Variants in ATCAY observed in about 807,000 individuals in gnomAD.
The protein encoded by ATCAY is caytaxin.
ATCAY carries 22 observed loss-of-function variants against 47.7 expected under a neutral mutation model. That is an observed-to-expected ratio of 0.46 (90% confidence interval 0.33 to 0.66). The LOEUF (loss-of-function observed/expected upper bound fraction) is 0.66, where lower values mean the gene tolerates loss of function less well. Ranked by LOEUF, ATCAY falls within the 30% of genes least tolerant of loss-of-function variation. ATCAY has a pLI of 0.02. For missense variants in ATCAY, 452 were observed against 515.0 expected (o/e 0.88, Z 1.18); for synonymous variants, 216 against 207.6 (o/e 1.04, Z -0.35).
chr19:3,908,655 TTCCC>T (rs2038889163), intron 6 of ATCAY, among the ~76,000 whole-genome samples: 1 of 60,650 alleles, frequency 1.6e-5, no homozygotes, highest in African/African-American at 8.0e-5. Context: ...TTCCTCCCCC[TTCCC>T]CTTTCTTCTC....
At chr19:3,886,255 C>T (rs2038653535) in intron 2 of ATCAY, among the ~76,000 whole-genome samples, 1 of 151,946 alleles carries the variant, frequency 6.6e-6, no homozygotes, top group Non-Finnish European at 1.5e-5. Context: ...TCGAGACCAG[C>T]CTGGCCAACA....
chr19:3,889,059 C>A (rs540049587), intron 2 of ATCAY, among the ~76,000 whole-genome samples: 53 of 152,192 alleles, frequency 3.5e-4, no homozygotes, highest in Admixed American at 5.9e-4. Flanking sequence ...CGCTTGAGCC[C>A]AGGAGTTTGA....
chr19:3,910,681 G>A, intron 7 of ATCAY, 122 bp from the exon 8 acceptor site: 3 of 942,168 alleles, frequency 3.2e-6, no homozygotes, highest in Non-Finnish European at 3.3e-6. Context: ...GGTACCTGGA[G>A]ACCACACGTG....
chr19:3,882,627 A>G (rs1018768537), intron 1 of ATCAY, among the ~76,000 whole-genome samples: 2 of 150,850 alleles, frequency 1.3e-5, no homozygotes, highest in African/African-American at 4.9e-5. Flanking sequence ...CCACCGCACC[A>G]GCCAGATGCC....
At chr19:3,914,395 G>A (rs964948443) in intron 9 of ATCAY, among the ~76,000 whole-genome samples, 12 of 151,924 alleles carry the variant, frequency 7.9e-5, no homozygotes, top group Non-Finnish European at 1.8e-4. Context: ...GATCTCATGA[G>A]ACTTACTCAC....
At chr19:3,924,236 G>GATGA (rs2039046966) in intron 12 of ATCAY, among the ~76,000 whole-genome samples, 1 of 107,834 alleles carries the variant, frequency 9.3e-6, no homozygotes, top group Admixed American at 8.5e-5. Context: ...TGAGTGTGTG[G>GATGA]ATGGATGGAT....
At chr19:3,908,765 T>TCCTCCCCCTCTTCCCCTTCCCTCTCCC in intron 6 of ATCAY, among the ~76,000 whole-genome samples, 1 of 80,478 alleles carries the variant, frequency 1.2e-5, no homozygotes, top group African/African-American at 5.1e-5. Flanking sequence ...TTCCCTCTCC[T>TCCTCCCCCTCTTCCCCTTCCCTCTCCC]CCTCCCCCCT....
intron 9 of ATCAY, among the ~76,000 whole-genome samples, chr19:3,914,412 G>C (rs923526994): frequency 6.6e-6 from 1 of 151,762 alleles, no homozygotes; most frequent in Non-Finnish European, 1.5e-5. Flanking sequence ...TCACTGTCGC[G>C]AGAATAGCAC....
chr19:3,888,360 T>C (rs534268465), intron 2 of ATCAY, among the ~76,000 whole-genome samples: 2 of 152,220 alleles, frequency 1.3e-5, no homozygotes, highest in East Asian at 3.9e-4. Context: ...CCGCGCACAG[T>C]GGCTCACGTC....
At position 3,913,849 on chromosome 19, in the gene ATCAY, G is replaced by A. The variant is rs1293690242; in HGVS notation, c.958G>A (p.Val320Ile). The A allele has an allele frequency of 5.0e-6, 8 of 1,612,416 alleles. No individual in the cohort carries two copies. Among genetic ancestry groups the A allele is most frequent in the East Asian group, 2.2e-5 (1 of 44,868 alleles). ...GGAACACGTCCAGATCCCAGACTGCGTCCTGCAGTGAGTGGCCCCACAGTC... is the reference window on the plus strand; with the variant it reads ...GGAACACGTCCAGATCCCAGACTGCATCCTGCAGTGAGTGGCCCCACAGTC... The part of the protein sequence containing the change: ...PMEHVQIPDC[V>I]LQYEEERLKA... Residue 320 changes from valine to isoleucine, a missense_variant, in exon 9 of 13, where the codon GTC (valine) becomes ATC (isoleucine). Transcript: ENST00000450849.
intron 2 of ATCAY, among the ~76,000 whole-genome samples, chr19:3,888,260 G>C (rs946164141): frequency 6.6e-6 from 1 of 152,140 alleles, no homozygotes; most frequent in Non-Finnish European, 1.5e-5. Flanking sequence ...CAATGCCCAA[G>C]GGTCAGTTAT....
intron 5 of ATCAY, among the ~76,000 whole-genome samples, 171 bp from the exon 6 acceptor site, chr19:3,908,097 C>T (rs2038881519): frequency 6.6e-6 from 1 of 152,166 alleles, no homozygotes; most frequent in Non-Finnish European, 1.5e-5. Context: ...CCCTGATGGT[C>T]GCTGTCACTC....
At chr19:3,891,154 C>A (rs1490067873) in intron 2 of ATCAY, among the ~76,000 whole-genome samples, 1 of 151,744 alleles carries the variant, frequency 6.6e-6, no homozygotes, top group Admixed American at 6.6e-5. Context: ...TGGTTTCGAG[C>A]AATTCTCTTG....
Position 3,907,916 on chromosome 19 carries a change from G to A in ATCAY, c.541G>A (p.Gly181Arg), listed in dbSNP as rs1369613975. 1.1e-5 allele frequency: 17 copies of A among 1,613,068 alleles called. No homozygotes were observed. Among genetic ancestry groups the A allele is most frequent in the Admixed American group, 3.3e-5 (2 of 59,838 alleles). ...IRPYMKVVTHGGYYGEGLNAI... is the reference protein window; with the variant it reads ...IRPYMKVVTHRGYYGEGLNAI... ...GCCTTACATGAAAGTGGTCACCCACGGAGGTGAGACCCGCCCCCCGGTGCC... is the reference window on the plus strand; with the variant it reads ...GCCTTACATGAAAGTGGTCACCCACAGAGGTGAGACCCGCCCCCCGGTGCC... The change falls in exon 5 of 13, where the codon GGA becomes AGA. Residue 181 changes from glycine to arginine, a missense_variant. Coordinates refer to ENST00000450849, the MANE Select transcript of ATCAY (RefSeq NM_033064.5). This position sits in a 1 kb window ranked among gnomAD's most constrained non-coding sequence, Gnocchi z 5.1.
chr19:3,924,162 G>C (rs1479344914), intron 12 of ATCAY, among the ~76,000 whole-genome samples: 1 of 151,434 alleles, frequency 6.6e-6, no homozygotes, highest in Non-Finnish European at 1.5e-5. Flanking sequence ...ACGGATGAGT[G>C]AGTGGCTGGA....
rs539561943 is a variant in ATCAY at position 3,922,831 on chromosome 19, G to A, written c.1107-1752G>A. ...ATGATCTTGGCTCACTGCAAGCTCC[G>A]CCTCCCAGGGTCACTCCAGTCTCTT... On this transcript the variant is annotated intron_variant, in intron 12 of 12. Coordinates refer to ENST00000450849, the MANE Select transcript of ATCAY (RefSeq NM_033064.5). Among the ~76,000 whole-genome samples the A allele has an allele frequency of 2.5e-4, 38 of 152,150 alleles. 1 individual carries two copies. Among genetic ancestry groups the A allele is most frequent in the East Asian group, 1.5e-3 (8 of 5,184 alleles).
intron 2 of ATCAY, among the ~76,000 whole-genome samples, chr19:3,890,116 G>A (rs2038702414): frequency 6.6e-6 from 1 of 151,194 alleles, no homozygotes; most frequent in Non-Finnish European, 1.5e-5. Context: ...GCTCATCTTT[G>A]TATTTTTAGT....
At chr19:3,914,988 A>AC (rs75713714) in intron 9 of ATCAY, among the ~76,000 whole-genome samples, 79,457 of 151,358 alleles carry the variant, frequency 0.52, 21,734 homozygotes, top group East Asian at 0.93. Context: ...CCCCTCAGGG[A>AC]CCCCCCGGAG....
chr19:3,921,897 A>G (rs931874379), intron 12 of ATCAY, among the ~76,000 whole-genome samples: 1 of 146,682 alleles, frequency 6.8e-6, no homozygotes, highest in Non-Finnish European at 1.5e-5. Flanking sequence ...ACTCTGTTTA[A>G]AAAAAAAAAA....
Sources: allele counts gnomAD v4.1 joint callset (sites outside exome capture counted in the v4.1 genomes callset), GRCh38; gene constraint gnomAD v4.1.1; non-coding constraint Gnocchi (gnomAD v3.1); transcripts MANE v1.5; gene names NCBI Gene and HGNC (gene_info 2026-07-23, HGNC 2026-07-21).